The following SLC14A2 variants were observed in gnomAD, a reference collection of about 807,000 sequenced individuals.
SLC14A2 encodes the protein urea transporter 2.
SLC14A2 carries 91 observed loss-of-function variants against 104.6 expected under a neutral mutation model. The observed-to-expected ratio is 0.87, with a 90% CI of 0.73 to 1.04. SLC14A2 has a LOEUF of 1.04. SLC14A2 is among the 50% of genes least tolerant of loss of function. SLC14A2 has a pLI of 0.00. For synonymous variants in SLC14A2, 476 were observed against 466.4 expected (o/e 1.02, Z -0.27); for missense variants, 1,189 against 1,156.0 (o/e 1.03, Z -0.41).
intron 2 of SLC14A2, among the ~76,000 whole-genome samples, chr18:45,605,169 G>A (rs146877324): frequency 2.0e-5 from 3 of 152,234 alleles, no homozygotes; most frequent in South Asian, 2.1e-4. Context: ...CTTCACGCAC[G>A]GTAGACAAGG....
chr18:45,469,702 T>G (rs2087210569), intron 1 of SLC14A2, among the ~76,000 whole-genome samples: 1 of 152,090 alleles, frequency 6.6e-6, no homozygotes, highest in Non-Finnish European at 1.5e-5. Flanking sequence ...GTCTTAAAAA[T>G]TATGTCCACC....
At position 45,213,623 on chromosome 18, in the gene SLC14A2, T is replaced by C. The variant is rs553740511; in HGVS notation, c.-125+432T>C. 2.5e-4 allele frequency among the ~76,000 whole-genome samples: 38 copies of C among 152,346 alleles called. No homozygotes were observed. In the South Asian group the frequency reaches 7.0e-3, roughly 28 times the overall value. On this transcript the variant is annotated intron_variant, in intron 1 of 20. Transcript: ENST00000586448. ...TCCCATTCAAAACGTTAAAGGTGAC[T>C]GAGTAACATGGAAGAGGATGAGGTG...
chr18:45,460,597 C>T (rs1056664435), intron 1 of SLC14A2, among the ~76,000 whole-genome samples: 1 of 152,180 alleles, frequency 6.6e-6, no homozygotes. Flanking sequence ...ACAAATGCTA[C>T]GTGCTAAATA....
At chr18:45,257,588 G>A (rs1014022483) in intron 1 of SLC14A2, among the ~76,000 whole-genome samples, 1 of 152,120 alleles carries the variant, frequency 6.6e-6, no homozygotes, top group South Asian at 2.1e-4. Flanking sequence ...TTACAATATG[G>A]TTAATATTGT....
At chr18:45,546,369 C>A (rs1250202986) in intron 2 of SLC14A2, among the ~76,000 whole-genome samples, 1 of 152,216 alleles carries the variant, frequency 6.6e-6, no homozygotes, top group African/African-American at 2.4e-5. Context: ...AAAGACAGAG[C>A]AATCTGCCTG....
intron 1 of SLC14A2, among the ~76,000 whole-genome samples, chr18:45,359,223 C>A (rs1310525052): frequency 6.6e-6 from 1 of 152,150 alleles, no homozygotes; most frequent in African/African-American, 2.4e-5. Context: ...TTTTATAGGG[C>A]TGGTTTGAGC....
chr18:45,597,830 G>C (rs751623990), intron 2 of SLC14A2, among the ~76,000 whole-genome samples: 1 of 152,194 alleles, frequency 6.6e-6, no homozygotes, highest in Admixed American at 6.5e-5. Context: ...CAGTCACTTA[G>C]CAGTAAAGAT....
intron 1 of SLC14A2, among the ~76,000 whole-genome samples, chr18:45,257,062 C>T (rs996915769): frequency 2.0e-5 from 3 of 152,248 alleles, no homozygotes; most frequent in Non-Finnish European, 4.4e-5. Context: ...AATTTTGTCA[C>T]ATCCTGCTAC....
At chr18:45,482,956 T>A (rs559824182) in intron 1 of SLC14A2, among the ~76,000 whole-genome samples, 1 of 152,286 alleles carries the variant, frequency 6.6e-6, no homozygotes, top group East Asian at 1.9e-4. Flanking sequence ...GACAATAGGA[T>A]CCCTGTTTTG....
At chr18:45,329,552 G>C (rs1467003231) in intron 1 of SLC14A2, among the ~76,000 whole-genome samples, 1 of 152,172 alleles carries the variant, frequency 6.6e-6, no homozygotes, top group Non-Finnish European at 1.5e-5. Context: ...TTATAAGGAG[G>C]GGGTAAGACT....
At chr18:45,232,706 C>A (rs1015452178) in intron 1 of SLC14A2, among the ~76,000 whole-genome samples, 1 of 152,170 alleles carries the variant, frequency 6.6e-6, no homozygotes, top group African/African-American at 2.4e-5. Context: ...TTTAATAAAT[C>A]TGTCATAAGT....
intron 19 of SLC14A2, 119 bp from the exon 20 acceptor site, chr18:45,682,200 G>A (rs908660949): frequency 8.5e-6 from 7 of 820,460 alleles, no homozygotes; most frequent in South Asian, 1.4e-5. Flanking sequence ...CATCAATGAA[G>A]TATCAATGCC....
At chr18:45,393,787 T>A (rs1598750948) in intron 1 of SLC14A2, among the ~76,000 whole-genome samples, 2 of 152,200 alleles carry the variant, frequency 1.3e-5, no homozygotes. Flanking sequence ...TGACTTACCC[T>A]TTTCAGAGCA....
At chr18:45,253,929 T>C (rs574866026) in intron 1 of SLC14A2, among the ~76,000 whole-genome samples, 2 of 152,370 alleles carry the variant, frequency 1.3e-5, no homozygotes, top group African/African-American at 2.4e-5. Flanking sequence ...GGGCAAATTA[T>C]ATCTTATTTG....
At chr18:45,669,915 G>C (rs1185918327) in intron 16 of SLC14A2, among the ~76,000 whole-genome samples, 1 of 152,194 alleles carries the variant, frequency 6.6e-6, no homozygotes, top group Non-Finnish European at 1.5e-5. Flanking sequence ...TACACATCAT[G>C]CTACCATCTA....
intron 2 of SLC14A2, among the ~76,000 whole-genome samples, chr18:45,485,687 T>G (rs2087589810): frequency 6.6e-6 from 1 of 152,192 alleles, no homozygotes; most frequent in South Asian, 2.1e-4. Context: ...TTTCTTCCCT[T>G]CAACTCTTTG....
intron 1 of SLC14A2, among the ~76,000 whole-genome samples, chr18:45,356,936 G>T (rs946102049): frequency 5.9e-5 from 9 of 152,196 alleles, no homozygotes; most frequent in African/African-American, 2.2e-4. Context: ...TGGGCATTTA[G>T]CTGGACCACC....
At chr18:45,395,924 C>A (rs547028482) in intron 1 of SLC14A2, among the ~76,000 whole-genome samples, 6 of 152,176 alleles carry the variant, frequency 3.9e-5, no homozygotes, top group Non-Finnish European at 8.8e-5. Flanking sequence ...ACTCTTAGCA[C>A]TGAACACATC....
intron 1 of SLC14A2, among the ~76,000 whole-genome samples, chr18:45,288,088 A>G (rs985272023): frequency 6.6e-6 from 1 of 152,192 alleles, no homozygotes; most frequent in African/African-American, 2.4e-5. Context: ...AGAAATATTT[A>G]TTTCATAGGG....
Sources: gnomAD v4.1 joint callset for allele counts (sites outside exome capture counted in the v4.1 genomes callset) on GRCh38, gnomAD v4.1.1 for gene constraint, MANE v1.5 for transcripts, NCBI Gene and HGNC (gene_info 2026-07-23, HGNC 2026-07-21) for gene names.